The following DACH1 variants were observed in gnomAD, a reference collection of about 807,000 sequenced individuals.
DACH1 encodes dachshund homolog 1.
Under a neutral mutation model 54.2 loss-of-function variants are expected in DACH1, and 12 were observed. The observed-to-expected ratio is 0.22, with a 90% CI of 0.14 to 0.36. The LOEUF (loss-of-function observed/expected upper bound fraction) is 0.36, where lower values mean the gene tolerates loss of function less well. Ranked by LOEUF, DACH1 falls within the 10% of genes least tolerant of loss-of-function variation. DACH1 has a pLI of 1.00. For synonymous variants in DACH1, 386 were observed against 366.2 expected (o/e 1.05, Z -0.62); for missense variants, 805 against 929.8 (o/e 0.87, Z 1.75).
chr13:71,459,721 TA>T lies in DACH1; in HGVS notation c.2083+15419del, dbSNP rs200046948. 8.0e-3 allele frequency among the ~76,000 whole-genome samples: 1,209 copies of T among 152,036 alleles called. 18 individuals carry two copies. Among genetic ancestry groups the T allele is most frequent in the African/African-American group, 0.027 (1,116 of 41,536 alleles). On this transcript the variant is annotated intron_variant, in intron 10 of 10. Transcript: ENST00000613252. ...GCTAACTCATTTTATTCAGAAATCA[TA>T]AATCCTGCCAATACTGAAAAACAAG...
chr13:71,659,256 T>C (rs1431087282), intron 2 of DACH1, among the ~76,000 whole-genome samples: 1 of 152,154 alleles, frequency 6.6e-6, no homozygotes, highest in Non-Finnish European at 1.5e-5. Flanking sequence ...TGTTTTTGAC[T>C]CTTACTGGGG....
At chr13:71,512,768 C>T (rs760228496) in intron 6 of DACH1, among the ~76,000 whole-genome samples, 30 of 151,830 alleles carry the variant, frequency 2.0e-4, no homozygotes, top group Non-Finnish European at 3.7e-4. Flanking sequence ...AGTTGCCAAA[C>T]TGTGTGTGTC....
At chr13:71,605,650 A>G (rs1874823878) in intron 3 of DACH1, among the ~76,000 whole-genome samples, 1 of 152,044 alleles carries the variant, frequency 6.6e-6, no homozygotes, top group South Asian at 2.1e-4. Context: ...GCTCACAGCA[A>G]TTCATTAAAA....
intron 6 of DACH1, among the ~76,000 whole-genome samples, chr13:71,537,261 C>A (rs1177696224): frequency 1.3e-5 from 2 of 152,056 alleles, no homozygotes; most frequent in African/African-American, 4.8e-5. Flanking sequence ...TTTGCGTTAT[C>A]ATTCAGCCGC....
intron 4 of DACH1, among the ~76,000 whole-genome samples, chr13:71,565,657 A>G (rs9599858): frequency 0.022 from 3,290 of 152,224 alleles, 38 homozygotes; most frequent in Middle Eastern, 0.071. Flanking sequence ...GGAAGCCCCA[A>G]ATAATATTTA....
chr13:71,784,727 A>T lies in DACH1; in HGVS notation c.848+81195T>A, dbSNP rs188862230. On this transcript the variant is annotated intron_variant, in intron 1 of 10. Transcript: ENST00000613252. ...AAAAGTTTTGTCATTATGAAGTACT[A>T]GAAACAGAGATAAATCCCCTGCAGA... Among the ~76,000 whole-genome samples, 1,016 of 152,284 alleles carry T rather than the reference A, an allele frequency of 6.7e-3. 38 individuals carry two copies. Among genetic ancestry groups the T allele is most frequent in the South Asian group, 3.7e-3 (18 of 4,822 alleles).
At chr13:71,781,344 A>T (rs1369383610) in intron 1 of DACH1, among the ~76,000 whole-genome samples, 1 of 133,582 alleles carries the variant, frequency 7.5e-6, no homozygotes, top group Admixed American at 8.3e-5. Context: ...GATCTTTTTT[A>T]TTTTTATTTA....
chr13:71,662,345 A>T (rs929487713), intron 2 of DACH1, among the ~76,000 whole-genome samples: 1 of 152,036 alleles, frequency 6.6e-6, no homozygotes, highest in Non-Finnish European at 1.5e-5. Context: ...AAAATATAAC[A>T]ACCATAAATG....
chr13:71,636,446 A>G (rs1006796649), intron 2 of DACH1, among the ~76,000 whole-genome samples: 2 of 151,986 alleles, frequency 1.3e-5, no homozygotes, highest in African/African-American at 4.8e-5. Context: ...AAGTTAAACT[A>G]CTTTGATTAG....
At chr13:71,683,659 A>G (rs1280745896) in intron 1 of DACH1, among the ~76,000 whole-genome samples, 2 of 151,952 alleles carry the variant, frequency 1.3e-5, no homozygotes, top group African/African-American at 4.8e-5. Flanking sequence ...CCCTCAAGCT[A>G]CTTCCTCTTA....
At chr13:71,763,958 C>A (rs529584442) in intron 1 of DACH1, among the ~76,000 whole-genome samples, 1 of 151,946 alleles carries the variant, frequency 6.6e-6, no homozygotes, top group Non-Finnish European at 1.5e-5. Context: ...GTATTTTTAA[C>A]GAACATTTGT....
At chr13:71,617,465 C>T (rs1038512051) in intron 3 of DACH1, among the ~76,000 whole-genome samples, 2 of 152,110 alleles carry the variant, frequency 1.3e-5, no homozygotes, top group African/African-American at 2.4e-5. Flanking sequence ...CAAATCACTC[C>T]AGATTCCTGG....
chr13:71,739,908 G>A (rs941936301), intron 1 of DACH1, among the ~76,000 whole-genome samples: 2 of 152,122 alleles, frequency 1.3e-5, no homozygotes, highest in Non-Finnish European at 1.5e-5. Flanking sequence ...AGCTAATAAC[G>A]TGAGCTTTTA....
At chr13:71,675,421 A>G (rs1441117724) in intron 2 of DACH1, 33 of 1,457,274 alleles carry the variant, frequency 2.3e-5, no homozygotes, top group Non-Finnish European at 1.9e-6. Context: ...ACGTGTAACA[A>G]TTATGCCAAA....
At chr13:71,632,459 T>C (rs1877177890) in intron 2 of DACH1, among the ~76,000 whole-genome samples, 1 of 151,370 alleles carries the variant, frequency 6.6e-6, no homozygotes, top group African/African-American at 2.4e-5. Context: ...TTAGTATTTT[T>C]GACTACAGTG....
chr13:71,738,538 T>G (rs1314272362), intron 1 of DACH1, among the ~76,000 whole-genome samples: 1 of 151,694 alleles, frequency 6.6e-6, no homozygotes, highest in Non-Finnish European at 1.5e-5. Context: ...AAGACCAGCC[T>G]GACCAATATT....
chr13:71,618,660 TA>T (rs1391331339), intron 3 of DACH1, among the ~76,000 whole-genome samples: 1 of 151,860 alleles, frequency 6.6e-6, no homozygotes, highest in Non-Finnish European at 1.5e-5. Flanking sequence ...CCTAATTACA[TA>T]AAAACTGGGG....
At chr13:71,842,444 G>A (rs1872940977) in intron 1 of DACH1, among the ~76,000 whole-genome samples, 1 of 151,958 alleles carries the variant, frequency 6.6e-6, no homozygotes, top group African/African-American at 2.4e-5. Context: ...AAGGCATGGT[G>A]GTGTACATCT....
intron 6 of DACH1, among the ~76,000 whole-genome samples, chr13:71,512,376 A>C (rs1880845413): frequency 6.6e-6 from 1 of 151,936 alleles, no homozygotes. Flanking sequence ...GTACCATTAT[A>C]TGAAAGGAGA....
Sources: allele counts gnomAD v4.1 joint callset (sites outside exome capture counted in the v4.1 genomes callset), GRCh38; gene constraint gnomAD v4.1.1; transcripts MANE v1.5; gene names NCBI Gene and HGNC (gene_info 2026-07-23, HGNC 2026-07-21).